The following SCHIP1 variants were observed in gnomAD, a reference collection of about 807,000 sequenced individuals.
SCHIP1 encodes the protein schwannomin-interacting protein 1.
Under a neutral mutation model 29.7 loss-of-function variants are expected in SCHIP1, and 8 were observed. The ratio of observed to expected loss-of-function variants is 0.27; its 90% CI spans 0.16 to 0.49. The LOEUF is 0.49. Among genes scored for constraint, SCHIP1 ranks in the 20% least tolerant of loss-of-function variants. The pLI is 0.99. For synonymous variants in SCHIP1, 76 were observed against 94.9 expected (o/e 0.80, Z 1.16); for missense variants, 193 against 294.6 (o/e 0.66, Z 2.52).
Position 159,865,515 on chromosome 3 carries a change from G to T in SCHIP1, c.31-648G>T, listed in dbSNP as rs143805015. ...AGATGGGCCCAACTAGAATTCTCCA[G>T]CTATTCCGGACATTATTGTCAAGGT... On this transcript the variant is annotated intron_variant, in intron 1 of 6. Transcript: ENST00000445224. Among the ~76,000 whole-genome samples, 3 of 152,254 alleles carry T rather than the reference G, an allele frequency of 2.0e-5. No homozygotes were observed. In the East Asian group the frequency reaches 5.8e-4, roughly 29 times the overall value.
chr3:159,786,099 A>G, the SCHIP1 span, among the ~76,000 whole-genome samples: 1 of 152,232 alleles, frequency 6.6e-6, no homozygotes, highest in African/African-American at 2.4e-5. Context: ...GGTTCATTAT[A>G]AGATCTTATT....
chr3:159,387,547 A>C, the SCHIP1 span: 5 of 160,558 alleles, frequency 3.1e-5, no homozygotes, highest in African/African-American at 1.2e-4. Flanking sequence ...CAATGAATTC[A>C]GATACTTCTT....
the SCHIP1 span, among the ~76,000 whole-genome samples, chr3:159,380,291 G>A: frequency 0.27 from 41,146 of 151,950 alleles, 5,948 homozygotes; most frequent in African/African-American, 0.37. Flanking sequence ...TCTAGCTCTT[G>A]CAGTATCACC....
chr3:159,419,068 A>T, the SCHIP1 span, among the ~76,000 whole-genome samples: 3 of 151,536 alleles, frequency 2.0e-5, no homozygotes, highest in African/African-American at 7.3e-5. Context: ...TGCAAACAAA[A>T]AAAAACATGA....
chr3:159,854,354 T>A (rs1713056389), intron 1 of SCHIP1, among the ~76,000 whole-genome samples: 3 of 152,184 alleles, frequency 2.0e-5, no homozygotes. Flanking sequence ...ATGTAAAATA[T>A]GGTAGTTTAT....
At chr3:159,442,361 A>G in the SCHIP1 span, among the ~76,000 whole-genome samples, 1 of 152,180 alleles carries the variant, frequency 6.6e-6, no homozygotes, top group Non-Finnish European at 1.5e-5. Flanking sequence ...GAGTCTGGTC[A>G]GGATAGGAGC....
the SCHIP1 span, among the ~76,000 whole-genome samples, chr3:159,486,967 G>A: frequency 6.6e-6 from 1 of 152,348 alleles, no homozygotes; most frequent in East Asian, 1.9e-4. Context: ...AAGAGAAGGG[G>A]AGAGTAGATA....
the SCHIP1 span, among the ~76,000 whole-genome samples, chr3:159,351,972 A>T: frequency 6.6e-6 from 1 of 152,178 alleles, no homozygotes; most frequent in Non-Finnish European, 1.5e-5. Context: ...TGAGATGATA[A>T]TTTTTTTAAT....
chr3:159,896,564 A>G (rs1376229776), intron 6 of SCHIP1, among the ~76,000 whole-genome samples, 159 bp from the exon 8 acceptor site: 1 of 152,254 alleles, frequency 6.6e-6, no homozygotes, highest in Non-Finnish European at 1.5e-5. Flanking sequence ...AGTTCAAATC[A>G]GAGTTCAAAG....
chr3:159,782,631 T>C, the SCHIP1 span, among the ~76,000 whole-genome samples: 11 of 152,244 alleles, frequency 7.2e-5, no homozygotes, highest in South Asian at 2.1e-4. Context: ...CTTGTAATTA[T>C]CAAATCCATG....
chr3:159,308,524 A>G, the SCHIP1 span, among the ~76,000 whole-genome samples: 1 of 152,100 alleles, frequency 6.6e-6, no homozygotes, highest in African/African-American at 2.4e-5. Flanking sequence ...AGATGCTGGT[A>G]AGACTATGGA....
chr3:159,715,470 T>C, the SCHIP1 span, among the ~76,000 whole-genome samples: 1 of 152,076 alleles, frequency 6.6e-6, no homozygotes, highest in Admixed American at 6.5e-5. Context: ...AAGGAGGATA[T>C]TTGAACCCAT....
At chr3:159,679,067 G>A in the SCHIP1 span, among the ~76,000 whole-genome samples, 4,052 of 152,234 alleles carry the variant, frequency 0.027, 77 homozygotes, top group Middle Eastern at 0.12. Context: ...TTCGATTGAT[G>A]AACTATCTCC....
the SCHIP1 span, among the ~76,000 whole-genome samples, chr3:159,403,242 G>T: frequency 6.6e-6 from 1 of 152,112 alleles, no homozygotes. Flanking sequence ...AGTATGGATG[G>T]ATTTTCCTGG....
At chr3:159,713,264 GA>G in the SCHIP1 span, among the ~76,000 whole-genome samples, 2 of 147,356 alleles carry the variant, frequency 1.4e-5, no homozygotes, top group African/African-American at 2.5e-5. Flanking sequence ...AAGAAAGAAA[GA>G]AAGAAAGAAA....
chr3:159,797,635 C>T, the SCHIP1 span, among the ~76,000 whole-genome samples: 1 of 151,324 alleles, frequency 6.6e-6, no homozygotes, highest in Admixed American at 6.6e-5. Flanking sequence ...TGCAGTGGCA[C>T]GATCTTGGCT....
the SCHIP1 span, among the ~76,000 whole-genome samples, chr3:159,649,551 T>G: frequency 6.6e-6 from 1 of 151,956 alleles, no homozygotes; most frequent in Admixed American, 6.6e-5. Context: ...CAAAAAAAAG[T>G]CAGAAGATAA....
At chr3:159,445,986 C>G in the SCHIP1 span, among the ~76,000 whole-genome samples, 3 of 151,468 alleles carry the variant, frequency 2.0e-5, no homozygotes, top group Admixed American at 6.6e-5. Context: ...TGTAACTAAC[C>G]TGCACATTGT....
the SCHIP1 span, among the ~76,000 whole-genome samples, chr3:159,666,730 A>G: frequency 1.3e-5 from 2 of 152,210 alleles, no homozygotes; most frequent in Non-Finnish European, 2.9e-5. Flanking sequence ...AAAACTTAAG[A>G]GCATAACTCC....
Sources: allele counts gnomAD v4.1 joint callset (sites outside exome capture counted in the v4.1 genomes callset), GRCh38; gene constraint gnomAD v4.1.1; transcripts MANE v1.5; gene names NCBI Gene and HGNC (gene_info 2026-07-23, HGNC 2026-07-21).